PRKAR2B: variants seen among roughly 807,000 people sequenced by gnomAD.
The protein encoded by PRKAR2B is protein kinase cAMP-dependent type II regulatory subunit beta, also known as cAMP-dependent protein kinase type II-beta regulatory subunit.
A neutral mutation model predicts 49.9 loss-of-function variants in PRKAR2B; 14 were observed. The ratio of observed to expected loss-of-function variants is 0.28; its 90% CI spans 0.19 to 0.44. The LOEUF is 0.44. Ranked by LOEUF, PRKAR2B falls within the 20% of genes least tolerant of loss-of-function variation. The pLI is 1.00. For missense variants in PRKAR2B, 393 were observed against 537.9 expected (o/e 0.73, Z 2.67); for synonymous variants, 196 against 197.7 (o/e 0.99, Z 0.07).
At chr7:107,114,528 ATTTTTTTT>A (rs761914948) in intron 2 of PRKAR2B, among the ~76,000 whole-genome samples, 27 of 131,566 alleles carry the variant, frequency 2.1e-4, no homozygotes, top group Middle Eastern at 3.9e-3. Flanking sequence ...TGCCCGGTTA[ATTTTTTTT>A]TTTTTTTTTT....
chr7:107,055,627 GT>G (rs1198388000), intron 1 of PRKAR2B, among the ~76,000 whole-genome samples: 1 of 152,182 alleles, frequency 6.6e-6, no homozygotes, highest in Non-Finnish European at 1.5e-5. Context: ...AGAAGTGTCT[GT>G]TTATATCCTT....
chr7:107,045,264 C>G (rs1793667350), intron 1 of PRKAR2B, 50 bp downstream of exon 1: 4 of 1,366,786 alleles, frequency 2.9e-6, no homozygotes, highest in Non-Finnish European at 3.8e-6. Context: ...TCGCTGCCCC[C>G]CACCGCTCCC....
At chr7:107,149,961 T>G (rs1272802320) in intron 6 of PRKAR2B, among the ~76,000 whole-genome samples, 1 of 152,150 alleles carries the variant, frequency 6.6e-6, no homozygotes, top group Non-Finnish European at 1.5e-5. Context: ...ACATCTCATG[T>G]ACCCCATAAA....
intron 2 of PRKAR2B, among the ~76,000 whole-genome samples, chr7:107,106,089 G>A (rs910673365): frequency 1.3e-5 from 2 of 152,152 alleles, no homozygotes; most frequent in African/African-American, 4.8e-5. Flanking sequence ...GGGAATCTGG[G>A]TCTACATTAG....
intron 7 of PRKAR2B, among the ~76,000 whole-genome samples, chr7:107,151,395 T>C (rs1351385658): frequency 1.3e-5 from 2 of 152,222 alleles, no homozygotes; most frequent in Admixed American, 1.3e-4. Flanking sequence ...CAGTCATCTT[T>C]GCTGTTTATT....
chr7:107,077,554 C>T (rs1266927489), intron 2 of PRKAR2B, among the ~76,000 whole-genome samples: 1 of 152,134 alleles, frequency 6.6e-6, no homozygotes, highest in African/African-American at 2.4e-5. Context: ...CCATTTTCAC[C>T]ATATGTTGCT....
At chr7:107,119,829 C>A (rs535786251) in intron 2 of PRKAR2B, among the ~76,000 whole-genome samples, 1 of 152,312 alleles carries the variant, frequency 6.6e-6, no homozygotes, top group Admixed American at 6.5e-5. Flanking sequence ...AATCTGGTTT[C>A]ATATGTCAGT....
intron 7 of PRKAR2B, among the ~76,000 whole-genome samples, chr7:107,152,899 A>T (rs574957623): frequency 6.6e-6 from 1 of 152,302 alleles, no homozygotes; most frequent in South Asian, 2.1e-4. Context: ...GAGAACATGT[A>T]TTTCATTAAA....
At chr7:107,106,412 A>G (rs1050158800) in intron 2 of PRKAR2B, among the ~76,000 whole-genome samples, 1 of 152,174 alleles carries the variant, frequency 6.6e-6, no homozygotes, top group African/African-American at 2.4e-5. Context: ...CCTCTACCAT[A>G]CATCAGATGG....
intron 8 of PRKAR2B, among the ~76,000 whole-genome samples, chr7:107,156,575 G>A (rs1796093950): frequency 1.3e-5 from 2 of 152,138 alleles, no homozygotes; most frequent in South Asian, 4.1e-4. Context: ...GGAGGCCGAC[G>A]CAGGCAGATC....
Position 107,149,966 on chromosome 7 carries a change from C to T in PRKAR2B, c.742-956C>T, listed in dbSNP as rs138752103. On this transcript the variant is annotated intron_variant, in intron 6 of 10. Coordinates refer to ENST00000265717, the MANE Select transcript of PRKAR2B (RefSeq NM_002736.3). Reference sequence around the variant, plus strand: ...CTGTATCAGAACATCTCATGTACCCCATAAATATACACCTACTATGTACCC... The same window carrying T: ...CTGTATCAGAACATCTCATGTACCCTATAAATATACACCTACTATGTACCC... Among the ~76,000 whole-genome samples, 479 of 151,662 alleles carry T rather than the reference C, an allele frequency of 3.2e-3. 3 individuals carry two copies. The highest frequency in any genetic ancestry group is 0.011 in the African/African-American group (467 of 41,326).
At chr7:107,114,717 TTTTA>T (rs1562861570) in intron 2 of PRKAR2B, among the ~76,000 whole-genome samples, 1 of 151,942 alleles carries the variant, frequency 6.6e-6, no homozygotes, top group Non-Finnish European at 1.5e-5. Flanking sequence ...AAGAGCAAAT[TTTTA>T]TTTGTTTGAA....
At chr7:107,045,237 C>T (rs1025710994) in intron 1 of PRKAR2B, 23 bp downstream of exon 1, 6 of 1,400,950 alleles carry the variant, frequency 4.3e-6, no homozygotes, top group Non-Finnish European at 5.6e-6. Flanking sequence ...CCCCCCACTT[C>T]GCGCCCCCGG....
intron 2 of PRKAR2B, among the ~76,000 whole-genome samples, chr7:107,074,436 T>G (rs936706429): frequency 1.3e-5 from 2 of 152,126 alleles, no homozygotes; most frequent in Non-Finnish European, 2.9e-5. Flanking sequence ...GGCTTTTTGT[T>G]TTTTGGAAGA....
intron 4 of PRKAR2B, among the ~76,000 whole-genome samples, chr7:107,134,513 A>G (rs1031408980): frequency 6.6e-6 from 1 of 152,222 alleles, no homozygotes; most frequent in African/African-American, 2.4e-5. Context: ...TTGTACATAT[A>G]ACAGCAGATT....
chr7:107,140,884 A>C lies in PRKAR2B; in HGVS notation c.518A>C (p.Lys173Thr). ...MSQVLDAMFE[K>T]LVKDGEHVID... Reference sequence around the variant, plus strand: ...CAAGTATTAGATGCCATGTTTGAAAAATTGGTCAAAGATGGGGAGCATGTA... The same window carrying C: ...CAAGTATTAGATGCCATGTTTGAAACATTGGTCAAAGATGGGGAGCATGTA... Residue 173 changes from lysine to threonine, a missense_variant, in exon 5 of 11, where the codon AAA becomes ACA. Lys to Thr is a moderately conservative substitution (Grantham distance 78, BLOSUM62 -1). This residue lies in a region of PRKAR2B where 233 missense variants were observed against 390.4 expected (regional missense o/e 0.60). Coordinates refer to ENST00000265717, the MANE Select transcript of PRKAR2B (RefSeq NM_002736.3). The C allele has an allele frequency of 6.2e-7, 1 of 1,612,800 alleles. No individual in the cohort carries two copies. The highest frequency in any genetic ancestry group is 8.5e-7 in the Non-Finnish European group (1 of 1,179,282).
At chr7:107,146,582 A>G (rs1795899176) in intron 6 of PRKAR2B, 121 bp downstream of exon 6, 2 of 1,139,490 alleles carry the variant, frequency 1.8e-6, no homozygotes, top group Admixed American at 2.5e-5. Context: ...TAATTTATTA[A>G]GCAGCCACTG....
At chr7:107,103,479 A>G (rs553972437) in intron 2 of PRKAR2B, among the ~76,000 whole-genome samples, 1 of 152,314 alleles carries the variant, frequency 6.6e-6, no homozygotes, top group East Asian at 1.9e-4. Context: ...CCTGCCCAGC[A>G]GCACCATTGG....
At chr7:107,086,035 C>T (rs1309473333) in intron 2 of PRKAR2B, among the ~76,000 whole-genome samples, 3 of 152,278 alleles carry the variant, frequency 2.0e-5, no homozygotes, top group Middle Eastern at 3.4e-3. Context: ...CAGTGTAAAA[C>T]ACTTGATATT....
Sources: gnomAD v4.1 joint callset for allele counts (sites outside exome capture counted in the v4.1 genomes callset) on GRCh38, gnomAD v4.1.1 for gene constraint, gnomAD v4.1.1 regional missense constraint, MANE v1.5 for transcripts, NCBI Gene and HGNC (gene_info 2026-07-23, HGNC 2026-07-21) for gene names.